ZNF438: variants seen among roughly 807,000 people sequenced by gnomAD.
ZNF438 encodes the protein zinc finger protein 438.
Under a neutral mutation model 38.0 loss-of-function variants are expected in ZNF438, and 25 were observed. The ratio of observed to expected loss-of-function variants is 0.66; its 90% CI spans 0.48 to 0.92. The LOEUF (loss-of-function observed/expected upper bound fraction) is 0.92. Ranked by LOEUF, ZNF438 falls within the 40% of genes least tolerant of loss-of-function variation. The pLI is 0.00. For synonymous variants in ZNF438, 372 were observed against 364.1 expected, an observed-to-expected ratio of 1.02 and a Z score of -0.25; for missense variants, 1,007 against 999.6, an observed-to-expected ratio of 1.01 and a Z score of -0.10.
intron 1 of ZNF438, among the ~76,000 whole-genome samples, chr10:31,018,680 C>T (rs570973344): frequency 6.9e-4 from 105 of 152,284 alleles, no homozygotes; most frequent in African/African-American, 2.5e-3. Context: ...AAACCAGTGG[C>T]TAAAACAAGA....
intron 1 of ZNF438, among the ~76,000 whole-genome samples, chr10:31,015,241 T>C (rs1486558034): frequency 6.6e-6 from 1 of 152,174 alleles, no homozygotes; most frequent in Admixed American, 6.5e-5. Context: ...CCATTGTTAT[T>C]ACTATTATTA....
chr10:30,972,391 C>T (rs182073612), intron 1 of ZNF438, among the ~76,000 whole-genome samples: 1 of 152,300 alleles, frequency 6.6e-6, no homozygotes, highest in African/African-American at 2.4e-5. Flanking sequence ...TTCTAATTCT[C>T]GTTTGTACCA....
intron 1 of ZNF438, among the ~76,000 whole-genome samples, chr10:30,947,841 C>A (rs561854632): frequency 6.6e-6 from 1 of 152,240 alleles, no homozygotes; most frequent in Non-Finnish European, 1.5e-5. Flanking sequence ...CTCCCTGACC[C>A]CTTGCGCTTC....
At chr10:30,929,924 T>G (rs1036434146) in intron 2 of ZNF438, among the ~76,000 whole-genome samples, 2 of 152,318 alleles carry the variant, frequency 1.3e-5, no homozygotes, top group East Asian at 3.9e-4. Flanking sequence ...GAGTGCTGAT[T>G]GGTGCATTTA....
intron 4 of ZNF438, chr10:30,875,429 G>A: frequency 1.0e-6 from 1 of 979,742 alleles, no homozygotes; most frequent in Non-Finnish European, 1.2e-6. Flanking sequence ...TTCCACAGCT[G>A]GTTGGAGGCA....
chr10:30,859,310 T>C (rs2035196824), intron 4 of ZNF438, among the ~76,000 whole-genome samples: 1 of 152,164 alleles, frequency 6.6e-6, no homozygotes, highest in Admixed American at 6.5e-5. Context: ...ACTCCTGGAC[T>C]TAAGCAATCC....
intron 1 of ZNF438, among the ~76,000 whole-genome samples, chr10:30,952,121 G>C (rs2048282684): frequency 6.6e-6 from 1 of 151,416 alleles, no homozygotes; most frequent in African/African-American, 2.4e-5. Flanking sequence ...TCTGATCTTT[G>C]ACAAACCTGA....
intron 1 of ZNF438, among the ~76,000 whole-genome samples, chr10:31,018,856 G>C (rs1001989977): frequency 6.6e-6 from 1 of 152,146 alleles, no homozygotes; most frequent in Admixed American, 6.5e-5. Context: ...CTTTCAGTTA[G>C]GGGGAAAGGG....
intron 3 of ZNF438, among the ~76,000 whole-genome samples, chr10:30,878,867 G>T (rs7897035): frequency 0.049 from 7,386 of 152,198 alleles, 564 homozygotes; most frequent in African/African-American, 0.17. Flanking sequence ...GGCAGGCTGA[G>T]TAAACAGGGC....
chr10:30,931,459 T>C (rs981527189), intron 2 of ZNF438, among the ~76,000 whole-genome samples: 1 of 152,218 alleles, frequency 6.6e-6, no homozygotes, highest in African/African-American at 2.4e-5. Context: ...ATCTAAATGT[T>C]CCAATTACTA....
chr10:30,953,901 T>G (rs1445993563), intron 1 of ZNF438, among the ~76,000 whole-genome samples: 1 of 152,174 alleles, frequency 6.6e-6, no homozygotes, highest in African/African-American at 2.4e-5. Flanking sequence ...CCCAACACTT[T>G]GGGAGGCCAA....
At chr10:30,948,391 C>T (rs1361199042) in intron 1 of ZNF438, among the ~76,000 whole-genome samples, 2 of 152,184 alleles carry the variant, frequency 1.3e-5, no homozygotes, top group Non-Finnish European at 2.9e-5. Flanking sequence ...CGGAACAAAG[C>T]TGGATGGAGA....
intron 2 of ZNF438, among the ~76,000 whole-genome samples, chr10:30,940,419 T>TG (rs2046692449): frequency 2.0e-5 from 3 of 152,112 alleles, no homozygotes; most frequent in African/African-American, 7.2e-5. Context: ...AGAGAACGTG[T>TG]CATAGAGAGG....
chr10:30,861,472 G>C (rs1263342548), intron 4 of ZNF438, among the ~76,000 whole-genome samples: 1 of 151,838 alleles, frequency 6.6e-6, no homozygotes, highest in Non-Finnish European at 1.5e-5. Flanking sequence ...CTTTGTGAAA[G>C]AATTTAAAAG....
rs530989666 is a variant in ZNF438, at chr10:30,959,697, G to A, written c.-191-18046C>T. On this transcript the variant is annotated intron_variant, in intron 1 of 5. Transcript: ENST00000413025. Reference sequence around the variant, plus strand: ...CGGGAGGCGGAGCTTGTAATGAGCCGAGATCGCACCACTGCACTCCAGCCT... The same window carrying A: ...CGGGAGGCGGAGCTTGTAATGAGCCAAGATCGCACCACTGCACTCCAGCCT... 1.1e-3 allele frequency among the ~76,000 whole-genome samples: 165 copies of A among 146,150 alleles called. 26 individuals are homozygous for A. The highest frequency in any genetic ancestry group is 1.7e-3 in the Non-Finnish European group (112 of 64,408).
chr10:30,938,289 T>G (rs2135452528), intron 2 of ZNF438, among the ~76,000 whole-genome samples: 1 of 152,244 alleles, frequency 6.6e-6, no homozygotes, highest in Non-Finnish European at 1.5e-5. Context: ...CTCTTTTTTT[T>G]TTTTTTAGAT....
intron 4 of ZNF438, among the ~76,000 whole-genome samples, chr10:30,852,031 C>T (rs1202792757): frequency 6.6e-6 from 1 of 151,662 alleles, no homozygotes; most frequent in African/African-American, 2.4e-5. Flanking sequence ...GGCATGGTGG[C>T]AGATGCCTGT....
intron 1 of ZNF438, among the ~76,000 whole-genome samples, chr10:30,999,998 T>C (rs575674221): frequency 1.3e-5 from 2 of 152,360 alleles, no homozygotes; most frequent in East Asian, 1.9e-4. Flanking sequence ...AATAGGTATA[T>C]TTTCTAATAT....
chr10:30,874,745 C>A (rs1411154355), intron 4 of ZNF438, among the ~76,000 whole-genome samples: 4 of 151,246 alleles, frequency 2.6e-5, no homozygotes, highest in African/African-American at 9.7e-5. Context: ...AGGAGATGAT[C>A]AAAAATTATT....
Sources: gnomAD v4.1 joint callset for allele counts (sites outside exome capture counted in the v4.1 genomes callset) on GRCh38, gnomAD v4.1.1 for gene constraint, MANE v1.5 for transcripts, NCBI Gene and HGNC (gene_info 2026-07-23, HGNC 2026-07-21) for gene names.